SLC44A5: variants seen among roughly 807,000 people sequenced by gnomAD.
The protein encoded by SLC44A5 is solute carrier family 44 member 5.
A neutral mutation model predicts 101.8 loss-of-function variants in SLC44A5; 57 were observed. The observed-to-expected ratio is 0.56, with a 90% CI of 0.45 to 0.70. The LOEUF is 0.70. Among genes scored for constraint, SLC44A5 ranks in the 30% least tolerant of loss-of-function variants. SLC44A5 has a pLI of 0.00. For missense variants in SLC44A5, 737 were observed against 853.1 expected (o/e 0.86, Z 1.70); for synonymous variants, 281 against 290.9 (o/e 0.97, Z 0.35).
At chr1:75,382,537 A>G in intron 3 of SLC44A5, among the ~76,000 whole-genome samples, 1 of 75,286 alleles carries the variant, frequency 1.3e-5, no homozygotes, top group South Asian at 4.7e-4. Context: ...GTCTGTGTAG[A>G]AAGAAGTAGA....
chr1:75,443,240 G>A (rs184286157), intron 2 of SLC44A5, among the ~76,000 whole-genome samples: 22 of 151,886 alleles, frequency 1.4e-4, no homozygotes, highest in Non-Finnish European at 2.4e-4. Context: ...AACTTAAGAA[G>A]TCAGAAAACA....
chr1:75,445,984 A>G (rs1665551633), intron 2 of SLC44A5, among the ~76,000 whole-genome samples: 1 of 152,036 alleles, frequency 6.6e-6, no homozygotes, highest in Non-Finnish European at 1.5e-5. Flanking sequence ...ATCCATCAGC[A>G]ACTCATATGA....
chr1:75,463,163 T>G (rs769677285), intron 2 of SLC44A5, among the ~76,000 whole-genome samples: 1 of 152,200 alleles, frequency 6.6e-6, no homozygotes, highest in Non-Finnish European at 1.5e-5. Context: ...GGCTCACGCC[T>G]GTAATCCCAG....
At chr1:75,660,651 A>G in the SLC44A5 span, among the ~76,000 whole-genome samples, 1 of 152,220 alleles carries the variant, frequency 6.6e-6, no homozygotes, top group Non-Finnish European at 1.5e-5. Context: ...AACAACATAC[A>G]AAAATCAGTA....
At chr1:75,230,358 G>A (rs913474641) in intron 12 of SLC44A5, among the ~76,000 whole-genome samples, 2 of 149,748 alleles carry the variant, frequency 1.3e-5, no homozygotes, top group African/African-American at 2.5e-5. Context: ...AGCAATTCTC[G>A]TGCCTCAGCC....
intron 1 of SLC44A5, among the ~76,000 whole-genome samples, chr1:75,562,635 C>T (rs868484157): frequency 6.6e-6 from 1 of 152,020 alleles, no homozygotes; most frequent in African/African-American, 2.4e-5. Context: ...TGCAGTGAGA[C>T]ATGATGGCTC....
the SLC44A5 span, among the ~76,000 whole-genome samples, chr1:75,657,115 C>T: frequency 6.7e-3 from 1,022 of 152,162 alleles, 16 homozygotes; most frequent in Admixed American, 0.037. Flanking sequence ...AGTCACTGCA[C>T]TCCAGCCTGC....
At chr1:75,648,355 A>G in the SLC44A5 span, among the ~76,000 whole-genome samples, 2 of 152,166 alleles carry the variant, frequency 1.3e-5, no homozygotes, top group African/African-American at 2.4e-5. Flanking sequence ...AGTTTTGGAC[A>G]GTTCTTAATA....
intron 3 of SLC44A5, among the ~76,000 whole-genome samples, chr1:75,376,585 G>C (rs576303963): frequency 6.6e-6 from 1 of 152,002 alleles, no homozygotes; most frequent in Admixed American, 6.6e-5. Context: ...CACCTCACAC[G>C]GCAGGGTACT....
chr1:75,284,183 G>A (rs1487948882), intron 5 of SLC44A5, among the ~76,000 whole-genome samples: 1 of 152,038 alleles, frequency 6.6e-6, no homozygotes, highest in Non-Finnish European at 1.5e-5. Context: ...TTTCAGCAGT[G>A]TTTTGTAGTT....
At chr1:75,307,706 T>A (rs907931493) in intron 4 of SLC44A5, among the ~76,000 whole-genome samples, 8 of 152,200 alleles carry the variant, frequency 5.3e-5, no homozygotes, top group Non-Finnish European at 1.2e-4. Flanking sequence ...CCCCCTTGGT[T>A]CCAGTTTCTC....
chr1:75,460,977 T>C (rs1024744256), intron 2 of SLC44A5, among the ~76,000 whole-genome samples: 1 of 151,636 alleles, frequency 6.6e-6, no homozygotes, highest in Admixed American at 6.6e-5. Flanking sequence ...TTATCCACAA[T>C]ATGGGGAGAG....
intron 2 of SLC44A5, among the ~76,000 whole-genome samples, chr1:75,487,758 C>T (rs750631182): frequency 5.9e-5 from 9 of 152,066 alleles, no homozygotes; most frequent in Non-Finnish European, 1.0e-4. Context: ...TATATGAGAT[C>T]GCCTACTACC....
intron 13 of SLC44A5, 42 bp from the exon 14 acceptor site, chr1:75,222,502 A>G: frequency 1.6e-6 from 2 of 1,244,728 alleles, no homozygotes; most frequent in Non-Finnish European, 2.3e-6. Flanking sequence ...ATACAAGTAG[A>G]TACGGAAACA....
chr1:75,346,976 G>A (rs914764622), intron 3 of SLC44A5, among the ~76,000 whole-genome samples: 5 of 152,072 alleles, frequency 3.3e-5, no homozygotes, highest in African/African-American at 1.2e-4. Flanking sequence ...TTGCTTTTCT[G>A]AGTGCGGAGT....
chr1:75,654,717 C>G, the SLC44A5 span, among the ~76,000 whole-genome samples: 1 of 152,148 alleles, frequency 6.6e-6, no homozygotes, highest in Non-Finnish European at 1.5e-5. Context: ...CTTCCATAGA[C>G]AGCTGCCCCA....
chr1:75,531,477 G>A (rs1670716381), intron 2 of SLC44A5, among the ~76,000 whole-genome samples: 1 of 152,128 alleles, frequency 6.6e-6, no homozygotes, highest in South Asian at 2.1e-4. Context: ...ACCATTTGAT[G>A]TCCTAAAGCT....
At chr1:75,480,808 T>C (rs1323522630) in intron 2 of SLC44A5, among the ~76,000 whole-genome samples, 1 of 152,108 alleles carries the variant, frequency 6.6e-6, no homozygotes, top group Admixed American at 6.6e-5. Context: ...GAATCAACAT[T>C]GTGAAAATGG....
intron 9 of SLC44A5, among the ~76,000 whole-genome samples, chr1:75,240,843 GCCACTC>G (rs1648563045): frequency 6.6e-6 from 1 of 151,970 alleles, no homozygotes; most frequent in South Asian, 2.1e-4. Context: ...CCACAGTTTT[GCCACTC>G]CCAAAATGAC....
Sources: gnomAD v4.1 joint callset for allele counts (sites outside exome capture counted in the v4.1 genomes callset) on GRCh38, gnomAD v4.1.1 for gene constraint, MANE v1.5 for transcripts, NCBI Gene and HGNC (gene_info 2026-07-23, HGNC 2026-07-21) for gene names.